SOX5: variants seen among roughly 807,000 people sequenced by gnomAD.
SOX5 encodes the protein SRY-box transcription factor 5.
A neutral mutation model predicts 92.0 loss-of-function variants in SOX5; 9 were observed. That is an observed-to-expected ratio of 0.10 (90% CI 0.06 to 0.17). SOX5 has a LOEUF of 0.17. Among genes scored for constraint, SOX5 ranks in the 10% least tolerant of loss-of-function variants. SOX5 has a pLI of 1.00. For synonymous variants in SOX5, 344 were observed against 336.3 expected (o/e 1.02, Z -0.25); for missense variants, 642 against 944.5 (o/e 0.68, Z 4.20).
At chr12:24,520,821 C>T (rs918436091) in intron 1 of SOX5, among the ~76,000 whole-genome samples, 7 of 151,854 alleles carry the variant, frequency 4.6e-5, no homozygotes, top group Non-Finnish European at 1.0e-4. Flanking sequence ...AAATGGCAAC[C>T]GAAAGAAAGC....
intron 4 of SOX5, among the ~76,000 whole-genome samples, chr12:24,206,332 T>C (rs1958015302): frequency 1.3e-5 from 2 of 152,208 alleles, no homozygotes; most frequent in Non-Finnish European, 2.9e-5. Flanking sequence ...TAAAATTGCC[T>C]TCAGACTGCT....
chr12:24,073,160 A>C (rs1942029422), intron 4 of SOX5, among the ~76,000 whole-genome samples: 1 of 152,352 alleles, frequency 6.6e-6, no homozygotes, highest in South Asian at 2.1e-4. Flanking sequence ...AACCACAGGC[A>C]AGCCTTCCAG....
intron 4 of SOX5, among the ~76,000 whole-genome samples, chr12:24,074,630 CAAAAAAAAAAA>C (rs76320418): frequency 2.0e-5 from 1 of 51,274 alleles, no homozygotes; most frequent in African/African-American, 7.5e-5. Flanking sequence ...TGTAAACTAC[CAAAAAAAAAAA>C]AAAAAAAAAA....
At chr12:24,028,457 C>G (rs527725720) in intron 4 of SOX5, among the ~76,000 whole-genome samples, 9 of 151,920 alleles carry the variant, frequency 5.9e-5, no homozygotes, top group African/African-American at 1.9e-4. Flanking sequence ...ATTTGGACAA[C>G]AGAAAACCAT....
At chr12:24,152,813 G>A (rs1222501614) in intron 4 of SOX5, among the ~76,000 whole-genome samples, 1 of 150,688 alleles carries the variant, frequency 6.6e-6, no homozygotes. Context: ...AAAACAAAAT[G>A]AGGGGGCTTT....
At chr12:24,026,251 TGACAAAATCTTAACATG>T (rs151204223) in intron 4 of SOX5, among the ~76,000 whole-genome samples, 5,082 of 152,148 alleles carry the variant, frequency 0.033, 304 homozygotes, top group African/African-American at 0.12. Flanking sequence ...CTACAGAAGA[TGACAAAATCTTAACATG>T]GATATTTCTC....
intron 5 of SOX5, among the ~76,000 whole-genome samples, chr12:23,736,969 A>G (rs1282594495): frequency 2.6e-5 from 4 of 151,394 alleles, no homozygotes; most frequent in Admixed American, 6.6e-5. Flanking sequence ...CTGGGATTAC[A>G]GGCGTGAGCC....
At chr12:24,445,974 A>T (rs1444701212) in intron 1 of SOX5, among the ~76,000 whole-genome samples, 1 of 152,238 alleles carries the variant, frequency 6.6e-6, no homozygotes, top group Non-Finnish European at 1.5e-5. Context: ...GAAATAACCA[A>T]GGTATAACGA....
chr12:24,395,258 A>AG (rs1226739639), intron 1 of SOX5, among the ~76,000 whole-genome samples: 1 of 152,112 alleles, frequency 6.6e-6, no homozygotes, highest in Non-Finnish European at 1.5e-5. Flanking sequence ...TAAAAAAAAA[A>AG]AGAGCTACCA....
intron 1 of SOX5, among the ~76,000 whole-genome samples, chr12:24,437,185 A>G (rs751668972): frequency 1.3e-5 from 2 of 152,180 alleles, no homozygotes; most frequent in African/African-American, 2.4e-5. Flanking sequence ...TTCAAGTCTC[A>G]ATGTAAGAAA....
intron 1 of SOX5, among the ~76,000 whole-genome samples, chr12:24,438,478 T>C (rs921358556): frequency 6.6e-6 from 1 of 152,092 alleles, no homozygotes; most frequent in Non-Finnish European, 1.5e-5. Context: ...ATAGCTGCCA[T>C]AGATAGTAAT....
At chr12:23,803,424 C>T (rs1181041920) in intron 3 of SOX5, among the ~76,000 whole-genome samples, 1 of 152,138 alleles carries the variant, frequency 6.6e-6, no homozygotes, top group African/African-American at 2.4e-5. Flanking sequence ...CACCAAGTCC[C>T]ATTAATTTTT....
intron 1 of SOX5, among the ~76,000 whole-genome samples, chr12:24,378,581 T>C (rs1464913902): frequency 6.6e-6 from 1 of 152,202 alleles, no homozygotes; most frequent in African/African-American, 2.4e-5. Context: ...ATATTTTTAA[T>C]AGGGCTATGA....
At chr12:23,743,395 C>T (rs570460857) in intron 4 of SOX5, among the ~76,000 whole-genome samples, 2 of 151,960 alleles carry the variant, frequency 1.3e-5, no homozygotes, top group African/African-American at 4.8e-5. Flanking sequence ...CTGCAAACTC[C>T]GCCTCCTGGG....
intron 1 of SOX5, among the ~76,000 whole-genome samples, chr12:24,543,546 G>A (rs1219761610): frequency 5.3e-5 from 8 of 152,154 alleles, no homozygotes; most frequent in Non-Finnish European, 1.2e-4. Context: ...AAGCTAGCCA[G>A]GCATGGTGGT....
At chr12:23,838,082 T>C (rs2096456767) in intron 3 of SOX5, among the ~76,000 whole-genome samples, 1 of 137,172 alleles carries the variant, frequency 7.3e-6, no homozygotes, top group Non-Finnish European at 1.5e-5. Flanking sequence ...TATTTATATT[T>C]ATATATATTT....
At position 24,393,875 on chromosome 12, in the gene SOX5, A is replaced by G. The variant is rs541746604; in HGVS notation, c.-250-25236T>C. ...AAAAGAGAATAGCAAAAGAGAAAAG[A>G]CTAATTTTACATAGAATGGTTTGTA... is the stretch of plus-strand genomic sequence containing the variant. On this transcript the variant is annotated intron_variant, in intron 1 of 4. Transcript: ENST00000446891. The surrounding 1 kb of genome is among the most constrained non-coding windows in gnomAD (Gnocchi z 5.0). 6.6e-6 allele frequency among the ~76,000 whole-genome samples: 1 copy of G among 152,242 alleles called. No individual in the cohort carries two copies. Among genetic ancestry groups the G allele is most frequent in the Non-Finnish European group, 1.5e-5 (1 of 68,040 alleles).
chr12:23,565,725 T>C (rs1592118406), intron 10 of SOX5, among the ~76,000 whole-genome samples: 1 of 151,990 alleles, frequency 6.6e-6, no homozygotes, highest in African/African-American at 2.4e-5. Flanking sequence ...ACATTCTTGC[T>C]TTTAGAGACT....
chr12:23,793,674 G>A (rs191275597), intron 3 of SOX5, among the ~76,000 whole-genome samples: 91 of 152,242 alleles, frequency 6.0e-4, no homozygotes, highest in African/African-American at 2.0e-3. Flanking sequence ...GCCAGGTTCC[G>A]AACTTAACAC....
Sources: gnomAD v4.1 joint callset for allele counts (sites outside exome capture counted in the v4.1 genomes callset) on GRCh38, gnomAD v4.1.1 for gene constraint, Gnocchi (gnomAD v3.1) non-coding constraint, MANE v1.5 for transcripts, NCBI Gene and HGNC (gene_info 2026-07-23, HGNC 2026-07-21) for gene names.